Variants in RIMS1 observed in about 807,000 individuals in gnomAD.
The protein encoded by RIMS1 is regulating synaptic membrane exocytosis 1.
RIMS1 carries 83 observed loss-of-function variants against 214.1 expected under a neutral mutation model. The ratio of observed to expected loss-of-function variants is 0.39; its 90% CI spans 0.32 to 0.47. The LOEUF is 0.47. Ranked by LOEUF, RIMS1 falls within the 20% of genes least tolerant of loss-of-function variation. RIMS1 has a pLI of 0.99. For missense variants in RIMS1, 2,050 were observed against 2,161.8 expected (o/e 0.95, Z 1.03); for synonymous variants, 793 against 786.8 (o/e 1.01, Z -0.13).
At chr6:71,933,513 G>A (rs1282513705) in intron 1 of RIMS1, among the ~76,000 whole-genome samples, 1 of 152,056 alleles carries the variant, frequency 6.6e-6, no homozygotes. Context: ...CTATGTATTT[G>A]ACCATCTGCA....
intron 28 of RIMS1, among the ~76,000 whole-genome samples, chr6:72,333,215 T>C (rs2154341471): frequency 6.6e-6 from 1 of 152,016 alleles, no homozygotes. Flanking sequence ...AAAATATTTT[T>C]CTCTCTGGAA....
intron 4 of RIMS1, among the ~76,000 whole-genome samples, chr6:72,113,149 C>G (rs1434849925): frequency 6.6e-6 from 1 of 152,118 alleles, no homozygotes; most frequent in East Asian, 1.9e-4. Flanking sequence ...AAGGCTTTTT[C>G]TGCCCTCACC....
At chr6:72,193,955 GT>G (rs963220548) in intron 6 of RIMS1, among the ~76,000 whole-genome samples, 1 of 152,046 alleles carries the variant, frequency 6.6e-6, no homozygotes, top group African/African-American at 2.4e-5. Flanking sequence ...AGTAATTCAA[GT>G]TTTCTTGATA....
chr6:72,247,915 T>C (rs1285374623), intron 11 of RIMS1, 100 bp from the exon 12 acceptor site: 10 of 759,710 alleles, frequency 1.3e-5, no homozygotes, highest in African/African-American at 5.3e-5. Context: ...TTATCAGTGA[T>C]AGTAATTATG....
At chr6:71,984,540 C>G in intron 2 of RIMS1, among the ~76,000 whole-genome samples, 1 of 152,054 alleles carries the variant, frequency 6.6e-6, no homozygotes. Context: ...TAATTTTTTT[C>G]CCAGAGAAGA....
chr6:72,029,225 G>C (rs1394126210), intron 2 of RIMS1, among the ~76,000 whole-genome samples: 1 of 152,072 alleles, frequency 6.6e-6, no homozygotes, highest in African/African-American at 2.4e-5. Context: ...GTCAAATGCA[G>C]CAAATATTTG....
At chr6:72,093,229 A>T (rs118021462) in intron 2 of RIMS1, among the ~76,000 whole-genome samples, 3,635 of 82,594 alleles carry the variant, frequency 0.044, 137 homozygotes, top group Middle Eastern at 0.12. Flanking sequence ...TATATATATA[A>T]AAACATGTGT....
chr6:72,105,253 A>G (rs954429299), intron 4 of RIMS1, among the ~76,000 whole-genome samples: 1 of 151,972 alleles, frequency 6.6e-6, no homozygotes, highest in Admixed American at 6.6e-5. Flanking sequence ...TTTTTTATTC[A>G]TTTATTTATT....
chr6:72,322,203 A>G (rs1263945982), intron 28 of RIMS1, among the ~76,000 whole-genome samples: 1 of 152,132 alleles, frequency 6.6e-6, no homozygotes, highest in East Asian at 1.9e-4. Flanking sequence ...TGTAAGAGCT[A>G]GGGGAAGTTT....
chr6:72,265,539 T>A lies in RIMS1; in HGVS notation c.3308+36T>A, dbSNP rs199590512. 4 of 1,256,882 alleles carry A rather than the reference T, an allele frequency of 3.2e-6. No individual in the cohort carries two copies. In the African/African-American group the frequency reaches 4.5e-5, roughly 14 times the overall value. The allele number at this position is 1,256,882 out of a possible 1,614,324, so 77.9% of individuals were successfully genotyped here. A position where few individuals can be genotyped will look rare whatever the true frequency, so the allele number is the denominator to read the frequency against. On this transcript the variant is annotated intron_variant, in intron 21 of 33. Transcript: ENST00000521978. The stretch of plus-strand genomic sequence containing the variant: ...TTGGAAGTGATATCTTCCGTTTCCC[T>A]TGTTTATTGTTGTGAACCAAAAAAG...
intron 1 of RIMS1, among the ~76,000 whole-genome samples, chr6:71,933,214 G>A (rs1783556054): frequency 1.3e-5 from 2 of 152,148 alleles, no homozygotes; most frequent in African/African-American, 2.4e-5. Flanking sequence ...CTGGGGCTAT[G>A]TCTGTTGTGA....
Position 72,154,235 on chromosome 6 carries a change from C to G in RIMS1, c.472-25340C>G, listed in dbSNP as rs950802305. On this transcript the variant is annotated intron_variant, in intron 4 of 33. Coordinates refer to ENST00000521978, the MANE Select transcript of RIMS1 (RefSeq NM_014989.7). ...AGACAGCAAAATCTTTCTATTTTAT[C>G]TTTTGCTTGAGGTTTTTGGCTCCTT... Among the ~76,000 whole-genome samples the G allele has an allele frequency of 1.0e-4, 10 of 98,552 alleles. 1 individual carries two copies. The highest frequency in any genetic ancestry group is 2.8e-4 in the African/African-American group (10 of 35,896). The allele number at this position is 98,552 out of a possible 152,430, so 64.7% of individuals were successfully genotyped here. A position where few individuals can be genotyped will look rare whatever the true frequency, so the allele number is the denominator to read the frequency against.
At chr6:72,189,410 ATGT>A (rs1002009862) in intron 6 of RIMS1, among the ~76,000 whole-genome samples, 10 of 152,282 alleles carry the variant, frequency 6.6e-5, no homozygotes, top group African/African-American at 2.2e-4. Flanking sequence ...ATCAGAGGCA[ATGT>A]TGTGTGGAAT....
intron 1 of RIMS1, among the ~76,000 whole-genome samples, chr6:71,940,645 A>G (rs1785792074): frequency 6.6e-6 from 1 of 152,240 alleles, no homozygotes; most frequent in Admixed American, 6.5e-5. Context: ...CTGCTAAAAC[A>G]AAATGCAGAA....
chr6:71,979,799 G>A lies in RIMS1; in HGVS notation c.245+10736G>A, dbSNP rs148560433. ...TGCATGAGTAGGGTAGCCAGGAAAC[G>A]TGTATTTGGAAAATTTTCCTAAGTG... On this transcript the variant is annotated intron_variant, in intron 2 of 33. Coordinates refer to ENST00000521978, the MANE Select transcript of RIMS1 (RefSeq NM_014989.7). Among the ~76,000 whole-genome samples the A allele has an allele frequency of 1.3e-3, 205 of 152,102 alleles. 2 individuals are homozygous for A. The highest frequency in any genetic ancestry group is 4.8e-3 in the African/African-American group (201 of 41,510).
At chr6:72,149,297 A>G (rs1285932066) in intron 4 of RIMS1, among the ~76,000 whole-genome samples, 1 of 152,204 alleles carries the variant, frequency 6.6e-6, no homozygotes, top group Non-Finnish European at 1.5e-5. Context: ...CAGCCATCAC[A>G]ATCCATGAAA....
In RIMS1 at chr6:72,392,738, T is replaced by G. The variant is rs769483615; in HGVS notation, c.4546T>G (p.Phe1516Val). ...PGVRLGADSQFSDFLDGLGPA... is the reference protein window; with the variant it reads ...PGVRLGADSQVSDFLDGLGPA... ...AGTGCGACTGGGAGCTGACAGTCAATTCAGTGATTTTCTTGATGGATTGGG... is the reference window on the plus strand; with the variant it reads ...AGTGCGACTGGGAGCTGACAGTCAAGTCAGTGATTTTCTTGATGGATTGGG... The change falls in exon 31 of 34, where the codon TTC becomes GTC. Residue 1516 changes from phenylalanine to valine, a missense_variant. This residue lies in a region of RIMS1 where 121 missense variants were observed against 187.3 expected (regional missense o/e 0.65). Coordinates refer to ENST00000521978, the MANE Select transcript of RIMS1 (RefSeq NM_014989.7). 6.2e-7 allele frequency: 1 copy of G among 1,613,802 alleles called. No homozygotes were observed. Among genetic ancestry groups the G allele is most frequent in the South Asian group, 1.1e-5 (1 of 91,082 alleles).
chr6:72,001,427 T>C (rs1289689970), intron 2 of RIMS1, among the ~76,000 whole-genome samples: 1 of 152,230 alleles, frequency 6.6e-6, no homozygotes, highest in Non-Finnish European at 1.5e-5. Flanking sequence ...TCCACCATTC[T>C]TGGACATGTT....
intron 4 of RIMS1, among the ~76,000 whole-genome samples, chr6:72,168,417 T>C (rs900755604): frequency 6.6e-6 from 1 of 152,200 alleles, no homozygotes; most frequent in African/African-American, 2.4e-5. Context: ...AAGTTTGGAC[T>C]GGGGTTTTAT....
Sources: allele counts gnomAD v4.1 joint callset (sites outside exome capture counted in the v4.1 genomes callset), GRCh38; gene constraint gnomAD v4.1.1; regional missense constraint gnomAD v4.1.1; transcripts MANE v1.5; gene names NCBI Gene and HGNC (gene_info 2026-07-23, HGNC 2026-07-21).